Variants in LRP1B observed in about 807,000 individuals in gnomAD.
The protein encoded by LRP1B is LDL receptor related protein 1B, also known as low-density lipoprotein receptor-related protein 1B.
Under a neutral mutation model 556.6 loss-of-function variants are expected in LRP1B, and 217 were observed. The ratio of observed to expected loss-of-function variants is 0.39; its 90% confidence interval spans 0.35 to 0.44. LRP1B has a LOEUF of 0.44. LRP1B is among the 20% of genes least tolerant of loss of function. LRP1B has a pLI of 1.00. For synonymous variants in LRP1B, 2,047 were observed against 1,865.8 expected, an observed-to-expected ratio of 1.10 and a Z score of -2.50; for missense variants, 5,053 against 5,620.8, an observed-to-expected ratio of 0.90 and a Z score of 3.23.
intron 66 of LRP1B, among the ~76,000 whole-genome samples, chr2:140,418,988 C>T (rs1336390254): frequency 6.6e-6 from 1 of 152,058 alleles, no homozygotes; most frequent in African/African-American, 2.4e-5. Flanking sequence ...CCCATTCAAA[C>T]CTGGCTTTGC....
intron 2 of LRP1B, among the ~76,000 whole-genome samples, chr2:141,649,606 T>C (rs1450882603): frequency 1.3e-5 from 2 of 152,208 alleles, no homozygotes; most frequent in African/African-American, 4.8e-5. Flanking sequence ...TCCATTCTAC[T>C]TCCATAGCTA....
At chr2:142,026,806 T>C (rs1482920796) in intron 1 of LRP1B, among the ~76,000 whole-genome samples, 2 of 150,488 alleles carry the variant, frequency 1.3e-5, no homozygotes, top group Non-Finnish European at 2.9e-5. Flanking sequence ...AATATAAACA[T>C]ATTTTTGTTT....
chr2:142,127,964 G>A (rs1388121374), intron 1 of LRP1B, among the ~76,000 whole-genome samples: 1 of 152,010 alleles, frequency 6.6e-6, no homozygotes, highest in Non-Finnish European at 1.5e-5. Flanking sequence ...GATTCTAAGT[G>A]AATCTGATTT....
At chr2:140,844,548 A>C (rs1363014808) in intron 29 of LRP1B, among the ~76,000 whole-genome samples, 1 of 152,050 alleles carries the variant, frequency 6.6e-6, no homozygotes, top group Non-Finnish European at 1.5e-5. Context: ...TGGAATAAAA[A>C]TCGTTATATA....
intron 2 of LRP1B, among the ~76,000 whole-genome samples, chr2:141,520,617 G>A (rs10176397): frequency 0.97 from 147,610 of 152,132 alleles, 71,734 homozygotes; most frequent in East Asian, 1. Context: ...CTGTGACGGC[G>A]ATGGTAAACG....
intron 3 of LRP1B, among the ~76,000 whole-genome samples, chr2:141,376,149 A>T (rs980341271): frequency 6.6e-6 from 1 of 152,154 alleles, no homozygotes; most frequent in African/African-American, 2.4e-5. Context: ...GGCTTTCAAA[A>T]TAGCACTCAG....
intron 66 of LRP1B, among the ~76,000 whole-genome samples, chr2:140,414,868 G>T (rs1409442947): frequency 1.3e-5 from 2 of 152,146 alleles, no homozygotes; most frequent in Non-Finnish European, 2.9e-5. Context: ...ACTGCCTGCA[G>T]GGTCAGGCAA....
At chr2:141,947,500 C>T (rs536462492) in intron 1 of LRP1B, among the ~76,000 whole-genome samples, 1 of 151,466 alleles carries the variant, frequency 6.6e-6, no homozygotes, top group Non-Finnish European at 1.5e-5. Context: ...CCCAAAACAC[C>T]AAATGTCTCT....
rs921844690 is a variant in LRP1B at position 141,019,991 on chromosome 2, T to C, written c.1901A>G (p.Gln634Arg). The change falls in exon 12 of 91, where the codon CAG becomes CGG. Residue 634 changes from glutamine to arginine, a missense_variant. Physicochemically the swap from Gln to Arg is conservative, Grantham distance 43 (BLOSUM62 1). Around this residue, in one of 5 missense-constraint regions of LRP1B, gnomAD observed 3,619 missense variants for 3,931.9 expected, o/e 0.92. Transcript: ENST00000389484. ...ACCCTCTAAAAGAGTCTTCCGACTC[T>C]GAGAAGCTTTTTCCAGCCTGGCCAC... Reference protein sequence around the residue: ...INVARLEKASQSRKTLLEGEM... With the variant: ...INVARLEKASRSRKTLLEGEM... The C allele has an allele frequency of 1.2e-6, 2 of 1,612,104 alleles. No homozygotes were observed. The highest frequency in any genetic ancestry group is 1.1e-5 in the South Asian group (1 of 90,968).
At chr2:141,722,233 G>A (rs1837051) in intron 2 of LRP1B, among the ~76,000 whole-genome samples, 1,804 of 152,122 alleles carry the variant, frequency 0.012, 21 homozygotes, top group South Asian at 0.026. Flanking sequence ...CAAAAATTAG[G>A]TGGGCATGGT....
At chr2:141,352,231 A>G (rs1403228396) in intron 3 of LRP1B, among the ~76,000 whole-genome samples, 2 of 151,916 alleles carry the variant, frequency 1.3e-5, no homozygotes, top group African/African-American at 2.4e-5. Context: ...TCAGTTTGCA[A>G]TACGTGTTTA....
At chr2:140,619,522 C>T (rs919038605) in intron 41 of LRP1B, among the ~76,000 whole-genome samples, 1 of 152,118 alleles carries the variant, frequency 6.6e-6, no homozygotes, top group Non-Finnish European at 1.5e-5. Flanking sequence ...TGTGAATAAA[C>T]TGAAAACTAA....
intron 86 of LRP1B, among the ~76,000 whole-genome samples, chr2:140,263,395 T>C (rs1210283611): frequency 1.3e-5 from 2 of 152,136 alleles, no homozygotes; most frequent in African/African-American, 4.8e-5. Context: ...CATAATCCTT[T>C]ATAGCAAATG....
chr2:141,913,963 G>T (rs1207733968), intron 1 of LRP1B, among the ~76,000 whole-genome samples: 1 of 152,078 alleles, frequency 6.6e-6, no homozygotes, highest in Non-Finnish European at 1.5e-5. Flanking sequence ...AGCCAGGATG[G>T]TCTCGATCTC....
In LRP1B at chr2:140,541,839, G is replaced by C. The variant is rs774430605; in HGVS notation, c.7327C>G (p.Arg2443Gly). 1 of 1,612,642 alleles carries C rather than the reference G, an allele frequency of 6.2e-7. No homozygotes were observed. Among genetic ancestry groups the C allele is most frequent in the Non-Finnish European group, 8.5e-7 (1 of 1,179,050 alleles). Residue 2443 changes from arginine (R) to glycine (G), a missense_variant, in exon 44 of 91, where the codon CGT becomes GGT. By Grantham distance (125) the Arg-to-Gly change is moderately radical (BLOSUM62 -2). Transcript: ENST00000389484. ...ATTGGCTGATGTGGAATATCGGAACGAAGAATTTTTGTATCTCCTCCTGTG... is the reference window on the plus strand; with the variant it reads ...ATTGGCTGATGTGGAATATCGGAACCAAGAATTTTTGTATCTCCTCCTGTG... ...KYTGGDTKIL[R>G]SDIPHQPMGI... is the part of the protein sequence containing the mutation.
At chr2:141,553,682 T>C (rs1201865718) in intron 2 of LRP1B, among the ~76,000 whole-genome samples, 2 of 144,272 alleles carry the variant, frequency 1.4e-5, no homozygotes, top group African/African-American at 5.0e-5. Context: ...TAGATATATA[T>C]CATATAGAAT....
chr2:140,993,727 C>T (rs1697157725), intron 16 of LRP1B, among the ~76,000 whole-genome samples: 5 of 151,966 alleles, frequency 3.3e-5, no homozygotes, highest in Middle Eastern at 6.8e-3. Context: ...GGCATGGTGG[C>T]GCTGATATCA....
chr2:140,727,136 T>C (rs895394671), intron 35 of LRP1B, among the ~76,000 whole-genome samples: 1 of 152,208 alleles, frequency 6.6e-6, no homozygotes, highest in African/African-American at 2.4e-5. Context: ...ATATGATTTA[T>C]AAGTAAATAG....
At chr2:140,533,560 G>A (rs1440937203) in intron 47 of LRP1B, among the ~76,000 whole-genome samples, 1 of 152,076 alleles carries the variant, frequency 6.6e-6, no homozygotes, top group Non-Finnish European at 1.5e-5. Flanking sequence ...GGCTTAAAGT[G>A]GATTGAAATG....
Sources: allele counts gnomAD v4.1 joint callset (sites outside exome capture counted in the v4.1 genomes callset), GRCh38; gene constraint gnomAD v4.1.1; regional missense constraint gnomAD v4.1.1; transcripts MANE v1.5; gene names NCBI Gene and HGNC (gene_info 2026-07-23, HGNC 2026-07-21).